Variants in F13A1 observed in about 807,000 individuals in gnomAD.
F13A1 encodes the protein FSF, A subunit.
Under a neutral mutation model 80.1 loss-of-function variants are expected in F13A1, and 47 were observed. The observed-to-expected ratio is 0.59, with a 90% CI of 0.46 to 0.75. The LOEUF (loss-of-function observed/expected upper bound fraction) is 0.75, where lower values mean the gene tolerates loss of function less well. Among genes scored for constraint, F13A1 ranks in the 30% least tolerant of loss-of-function variants. F13A1 has a pLI of 0.00. For missense variants in F13A1, 817 were observed against 930.4 expected (o/e 0.88, Z 1.59); for synonymous variants, 349 against 344.9 (o/e 1.01, Z -0.13).
intron 8 of F13A1, among the ~76,000 whole-genome samples, chr6:6,210,954 C>T (rs1470602627): frequency 2.0e-5 from 3 of 152,084 alleles, no homozygotes. Context: ...TGTTCTCAAA[C>T]TCCTGATCTC....
At chr6:6,196,964 G>A (rs1761302408) in intron 9 of F13A1, among the ~76,000 whole-genome samples, 1 of 152,156 alleles carries the variant, frequency 6.6e-6, no homozygotes, top group Admixed American at 6.5e-5. Context: ...CTTCAAAACT[G>A]CTTAGCAAAG....
At chr6:6,271,636 T>C (rs1757923497) in intron 3 of F13A1, among the ~76,000 whole-genome samples, 1 of 152,242 alleles carries the variant, frequency 6.6e-6, no homozygotes, top group Non-Finnish European at 1.5e-5. Context: ...GCCTTTGAAA[T>C]TGGACTACTA....
intron 1 of F13A1, 38 bp from the exon 2 acceptor site, chr6:6,318,720 C>A (rs1007698899): frequency 1.9e-6 from 3 of 1,587,008 alleles, no homozygotes; most frequent in African/African-American, 2.7e-5. Flanking sequence ...ACAGAAAAGG[C>A]ATGTAAAGTG....
In F13A1 at chr6:6,197,176, A is replaced by G. The variant is rs1346943811; in HGVS notation, c.1216+47T>C. ...TCAAATGCAAGCATAAAAGCAAAAC[A>G]AAGATCAGCAATGAAGCAAGTTCCC... is the stretch of plus-strand genomic sequence containing the variant. On this transcript the variant is annotated intron_variant, in intron 9 of 14. Transcript: ENST00000264870. 7 of 1,576,582 alleles carry G rather than the reference A, an allele frequency of 4.4e-6. No individual in the cohort carries two copies. The East Asian group carries it at 1.6e-4, about 35-fold the overall frequency.
rs142977534 is a variant in F13A1 at position 6,293,301 on chromosome 6, G to A, written c.319+12050C>T. The stretch of plus-strand genomic sequence containing the variant: ...TCACCCTCAACTGGGTATCAAAAAA[G>A]CAGGGGCCCATGTCAAAGTAACAGC... On this transcript the variant is annotated intron_variant, in intron 3 of 14. Transcript: ENST00000264870. Among the ~76,000 whole-genome samples the A allele has an allele frequency of 1.4e-3, 218 of 152,204 alleles. 2 individuals are homozygous for A. The highest frequency in any genetic ancestry group is 5.1e-3 in the African/African-American group (213 of 41,534).
At chr6:6,274,705 G>A (rs1757964715) in intron 3 of F13A1, among the ~76,000 whole-genome samples, 1 of 152,200 alleles carries the variant, frequency 6.6e-6, no homozygotes, top group African/African-American at 2.4e-5. Flanking sequence ...CCTCTTCCTG[G>A]GACTACTGGT....
intron 6 of F13A1, among the ~76,000 whole-genome samples, chr6:6,235,808 T>A (rs905711420): frequency 6.6e-6 from 1 of 152,098 alleles, no homozygotes; most frequent in Non-Finnish European, 1.5e-5. Context: ...AATAAAAGCT[T>A]ACGTCTATAC....
chr6:6,192,109 G>C (rs1282823014), intron 10 of F13A1, among the ~76,000 whole-genome samples: 2 of 152,210 alleles, frequency 1.3e-5, no homozygotes, highest in Non-Finnish European at 2.9e-5. Context: ...GACACAAGAG[G>C]ATGTGTGGAT....
intron 8 of F13A1, among the ~76,000 whole-genome samples, chr6:6,199,562 G>A (rs1761355978): frequency 6.6e-6 from 1 of 151,966 alleles, no homozygotes; most frequent in African/African-American, 2.4e-5. Flanking sequence ...TGAAACCCAG[G>A]AAGGTTAAGA....
At chr6:6,200,070 A>G (rs1401568767) in intron 8 of F13A1, among the ~76,000 whole-genome samples, 3 of 152,298 alleles carry the variant, frequency 2.0e-5, no homozygotes, top group Non-Finnish European at 4.4e-5. Flanking sequence ...GACCAGCCCA[A>G]TTCTGGGCAG....
intron 6 of F13A1, among the ~76,000 whole-genome samples, chr6:6,226,759 T>C (rs180856200): frequency 2.0e-5 from 3 of 152,218 alleles, no homozygotes; most frequent in African/African-American, 4.8e-5. Flanking sequence ...AACAAACATA[T>C]AGGAAATGTA....
intron 12 of F13A1, among the ~76,000 whole-genome samples, chr6:6,173,956 TC>T (rs1474185134): frequency 6.6e-6 from 1 of 152,066 alleles, no homozygotes; most frequent in African/African-American, 2.4e-5. Context: ...TTTTTCAAAC[TC>T]CTGGGGAATG....
intron 13 of F13A1, among the ~76,000 whole-genome samples, chr6:6,153,364 T>G (rs1760416649): frequency 2.6e-5 from 4 of 152,222 alleles, no homozygotes; most frequent in Admixed American, 1.3e-4. Context: ...CATTACACAC[T>G]GTATGCATGA....
intron 12 of F13A1, among the ~76,000 whole-genome samples, chr6:6,172,684 T>TG (rs755465823): frequency 9.9e-5 from 15 of 152,188 alleles, no homozygotes; most frequent in Admixed American, 2.0e-4. Context: ...TGACCTCAGT[T>TG]GATCCACCCG....
chr6:6,294,713 C>CT (rs373278722), intron 3 of F13A1, among the ~76,000 whole-genome samples: 57 of 123,700 alleles, frequency 4.6e-4, no homozygotes, highest in African/African-American at 1.1e-3. Flanking sequence ...GGTAGAGATT[C>CT]TTTTTTTTTT....
intron 3 of F13A1, among the ~76,000 whole-genome samples, chr6:6,297,070 A>C (rs1758340223): frequency 6.8e-6 from 1 of 146,466 alleles, no homozygotes; most frequent in Non-Finnish European, 1.5e-5. Flanking sequence ...CGTATATTGA[A>C]CCAGCCTTGC....
chr6:6,218,022 C>T (rs185701120), intron 8 of F13A1, among the ~76,000 whole-genome samples: 52 of 132,398 alleles, frequency 3.9e-4, no homozygotes, highest in African/African-American at 1.3e-3. Context: ...AGATCAGACA[C>T]TGCTCCCCCT....
chr6:6,196,170 C>A (rs1299791642), intron 9 of F13A1, among the ~76,000 whole-genome samples: 2 of 152,242 alleles, frequency 1.3e-5, no homozygotes, highest in Non-Finnish European at 2.9e-5. Context: ...AGGTGGCTTA[C>A]ACAGCATTTA....
chr6:6,149,882 A>G (rs1760343027), intron 14 of F13A1, among the ~76,000 whole-genome samples: 1 of 152,142 alleles, frequency 6.6e-6, no homozygotes. Flanking sequence ...GGCCTTATCC[A>G]TCCTTTCTCC....
Sources: gnomAD v4.1 joint callset for allele counts (sites outside exome capture counted in the v4.1 genomes callset) on GRCh38, gnomAD v4.1.1 for gene constraint, MANE v1.5 for transcripts, NCBI Gene and HGNC (gene_info 2026-07-23, HGNC 2026-07-21) for gene names.